GPBP1: variants seen among roughly 807,000 people sequenced by gnomAD.
The protein encoded by GPBP1 is vasculin.
A neutral mutation model predicts 56.5 loss-of-function variants in GPBP1; 13 were observed. That is an observed-to-expected ratio of 0.23 (90% confidence interval 0.15 to 0.37). The LOEUF (loss-of-function observed/expected upper bound fraction) is 0.37, where lower values mean the gene tolerates loss of function less well. GPBP1 is among the 10% of genes least tolerant of loss of function. The pLI, the probability that GPBP1 is intolerant of heterozygous loss-of-function variation, is 1.00. For missense variants in GPBP1, 477 were observed against 572.3 expected (o/e 0.83, Z 1.70); for synonymous variants, 204 against 188.9 (o/e 1.08, Z -0.66).
chr5:57,222,990 G>C (rs973476780), intron 3 of GPBP1, among the ~76,000 whole-genome samples: 1 of 151,922 alleles, frequency 6.6e-6, no homozygotes, highest in African/African-American at 2.4e-5. Context: ...GTATTTCTTA[G>C]TGATTTATAG....
intron 6 of GPBP1, among the ~76,000 whole-genome samples, chr5:57,245,159 A>G (rs543424766): frequency 2.0e-5 from 3 of 152,246 alleles, no homozygotes; most frequent in South Asian, 4.1e-4. Flanking sequence ...AGCCCTTTAT[A>G]TTGGGCTTTT....
intron 2 of GPBP1, among the ~76,000 whole-genome samples, chr5:57,180,959 C>T (rs1754017380): frequency 1.3e-5 from 2 of 152,172 alleles, no homozygotes; most frequent in Non-Finnish European, 1.5e-5. Flanking sequence ...TCAGGCTGGT[C>T]TCCAACTCCT....
intron 10 of GPBP1, among the ~76,000 whole-genome samples, chr5:57,252,281 A>C (rs923130685): frequency 5.3e-5 from 8 of 151,844 alleles, no homozygotes; most frequent in Admixed American, 3.9e-4. Flanking sequence ...AGAAAGTTTT[A>C]ATTTTGATGT....
At chr5:57,220,307 G>C (rs542103836) in intron 3 of GPBP1, among the ~76,000 whole-genome samples, 1 of 152,014 alleles carries the variant, frequency 6.6e-6, no homozygotes, top group South Asian at 2.1e-4. Flanking sequence ...AACGTGCGTT[G>C]AAATTCTCAA....
intron 3 of GPBP1, among the ~76,000 whole-genome samples, chr5:57,219,675 C>T (rs1755868273): frequency 6.6e-6 from 1 of 152,054 alleles, no homozygotes; most frequent in Admixed American, 6.5e-5. Flanking sequence ...CTGCTTTCCT[C>T]TTTTGTCATT....
rs190680470 is a variant in GPBP1, at chr5:57,235,764, C to G, written c.412-202C>G. On this transcript the variant is annotated intron_variant, in intron 5 of 11. Transcript: ENST00000506184. ...CATCCTGTTTCTGAAAATCCAAAATCCAAGTGCTTCAATGAGTAGGCAGAG... is the reference window on the plus strand; with the variant it reads ...CATCCTGTTTCTGAAAATCCAAAATGCAAGTGCTTCAATGAGTAGGCAGAG... Among the ~76,000 whole-genome samples the G allele has an allele frequency of 4.6e-5, 7 of 152,168 alleles. No homozygotes were observed. In the East Asian group the frequency reaches 1.4e-3, roughly 29 times the overall value.
At chr5:57,222,320 TGA>T (rs1755988245) in intron 3 of GPBP1, among the ~76,000 whole-genome samples, 1 of 152,178 alleles carries the variant, frequency 6.6e-6, no homozygotes, top group African/African-American at 2.4e-5. Context: ...GAACTCAGCT[TGA>T]GAGATTAATT....
At chr5:57,228,760 T>C (rs1262761686) in intron 3 of GPBP1, among the ~76,000 whole-genome samples, 3 of 151,456 alleles carry the variant, frequency 2.0e-5, no homozygotes, top group African/African-American at 7.3e-5. Flanking sequence ...ATTTTTAAAA[T>C]GCTATAAGGT....
intron 2 of GPBP1, among the ~76,000 whole-genome samples, chr5:57,176,614 A>G (rs532629619): frequency 6.6e-6 from 1 of 152,244 alleles, no homozygotes; most frequent in African/African-American, 2.4e-5. Flanking sequence ...TTTCAGATTC[A>G]AACAGTCCTA....
intron 3 of GPBP1, among the ~76,000 whole-genome samples, chr5:57,216,771 A>C (rs1156968618): frequency 6.6e-6 from 1 of 152,200 alleles, no homozygotes; most frequent in Admixed American, 6.5e-5. Flanking sequence ...ATTTAAGAAA[A>C]TCTGAAAACT....
chr5:57,196,396 A>G (rs1486212304), intron 2 of GPBP1, among the ~76,000 whole-genome samples: 1 of 152,128 alleles, frequency 6.6e-6, no homozygotes, highest in Non-Finnish European at 1.5e-5. Context: ...TCAAATTGAT[A>G]GTAGAGAAAT....
At chr5:57,191,132 C>T (rs994186611) in intron 2 of GPBP1, among the ~76,000 whole-genome samples, 1 of 151,764 alleles carries the variant, frequency 6.6e-6, no homozygotes, top group Non-Finnish European at 1.5e-5. Flanking sequence ...GTCACCCAGG[C>T]TGGAGTGCAG....
At chr5:57,208,096 C>T (rs796504349) in intron 2 of GPBP1, among the ~76,000 whole-genome samples, 20 of 152,158 alleles carry the variant, frequency 1.3e-4, no homozygotes, top group Admixed American at 4.6e-4. Context: ...GGCACAGAAC[C>T]GGGGATGGAG....
At chr5:57,190,534 A>C (rs1216751805) in intron 2 of GPBP1, among the ~76,000 whole-genome samples, 4 of 151,514 alleles carry the variant, frequency 2.6e-5, no homozygotes, top group Non-Finnish European at 5.9e-5. Flanking sequence ...CAGTGAGCTG[A>C]GATCACGCCA....
At chr5:57,230,096 C>T (rs996594978) in intron 3 of GPBP1, among the ~76,000 whole-genome samples, 1 of 151,962 alleles carries the variant, frequency 6.6e-6, no homozygotes, top group African/African-American at 2.4e-5. Flanking sequence ...ACACCTGGCT[C>T]ATTTTTTTGT....
intron 2 of GPBP1, among the ~76,000 whole-genome samples, chr5:57,203,089 A>G (rs1755086771): frequency 6.6e-6 from 1 of 152,180 alleles, no homozygotes; most frequent in Non-Finnish European, 1.5e-5. Context: ...AGTTCGTTGT[A>G]AGTTTTGAAG....
rs942494100 is a variant in GPBP1 at position 57,263,773 on chromosome 5, ATGAC to A, written c.*1024_*1027del. 5 of 152,292 alleles carry A rather than the reference ATGAC, an allele frequency of 3.3e-5. No individual in the cohort carries two copies. Among genetic ancestry groups the A allele is most frequent in the Admixed American group, 2.6e-4 (4 of 15,290 alleles). The allele number at this position is 152,292 out of a possible 1,614,324, so 9.4% of individuals were successfully genotyped here. A position where few individuals can be genotyped will look rare whatever the true frequency, so the allele number is the denominator to read the frequency against. ...TCAAATACACAAGCTTATTAAATGAATGACTGTTAACTACTTTATTTTCATTTGC... is the reference window on the plus strand; with the variant it reads ...TCAAATACACAAGCTTATTAAATGAATGTTAACTACTTTATTTTCATTTGC... On this transcript the variant is annotated 3_prime_UTR_variant, in exon 12 of 12. Coordinates refer to ENST00000506184, the MANE Select transcript of GPBP1 (RefSeq NM_022913.4).
At chr5:57,179,723 C>T (rs544943129) in intron 2 of GPBP1, among the ~76,000 whole-genome samples, 7 of 152,154 alleles carry the variant, frequency 4.6e-5, no homozygotes, top group African/African-American at 1.2e-4. Flanking sequence ...CCTTCAGCCT[C>T]TTGAGTAGCT....
At chr5:57,255,326 G>A (rs1741610583) in intron 10 of GPBP1, among the ~76,000 whole-genome samples, 2 of 150,868 alleles carry the variant, frequency 1.3e-5, no homozygotes, top group Admixed American at 6.6e-5. Flanking sequence ...TTGAATATTT[G>A]TGTAAATGTG....
Sources: gnomAD v4.1 joint callset for allele counts (sites outside exome capture counted in the v4.1 genomes callset) on GRCh38, gnomAD v4.1.1 for gene constraint, MANE v1.5 for transcripts, NCBI Gene and HGNC (gene_info 2026-07-23, HGNC 2026-07-21) for gene names.